Variants in CYP27B1 observed in about 807,000 individuals in gnomAD.
The protein encoded by CYP27B1 is 25-hydroxyvitamin D-1 alpha hydroxylase, mitochondrial.
In CYP27B1, 46 loss-of-function variants were observed where a neutral mutation model predicts 54.8. The ratio of observed to expected loss-of-function variants is 0.84; its 90% confidence interval spans 0.66 to 1.07. The LOEUF is 1.07. CYP27B1 is among the 50% of genes least tolerant of loss of function. CYP27B1 has a pLI of 0.00. For synonymous variants in CYP27B1, 292 were observed against 297.3 expected, an observed-to-expected ratio of 0.98 and a Z score of 0.18; for missense variants, 674 against 692.2, an observed-to-expected ratio of 0.97 and a Z score of 0.30.
intron 8 of CYP27B1, 71 bp downstream of exon 8, chr12:57,763,540 G>A (rs1460548519): frequency 7.4e-7 from 1 of 1,346,872 alleles, no homozygotes; most frequent in Non-Finnish European, 1.1e-6. Flanking sequence ...CTTGTCAGGG[G>A]AAAGAGCTCA....
Position 57,767,071 on chromosome 12 carries a change from G to C in CYP27B1, c.-30C>G. 1 of 1,606,714 alleles carries C rather than the reference G, an allele frequency of 6.2e-7. No homozygotes were observed. Among genetic ancestry groups the C allele is most frequent in the Non-Finnish European group, 8.5e-7 (1 of 1,173,396 alleles). On this transcript the variant is annotated 5_prime_UTR_variant, in exon 1 of 9. Transcript: ENST00000228606. ...TGGTTCAGGGTGCTCGCGAAAGAAA[G>C]CGCTTCTCCTGAGCATCATATCTCA...
chr12:57,765,522 C>T lies in CYP27B1; in HGVS notation c.387-23G>A, dbSNP rs759053239. 6 of 1,594,938 alleles carry T rather than the reference C, an allele frequency of 3.8e-6. No individual in the cohort carries two copies. The South Asian group carries it at 5.7e-5, about 15-fold the overall frequency. ...TCCCTGCAGGGTTGAGGAGAGAGTGCGCATCGGGAAGGTGGGGACGGCTCG... is the reference window on the plus strand; with the variant it reads ...TCCCTGCAGGGTTGAGGAGAGAGTGTGCATCGGGAAGGTGGGGACGGCTCG... On this transcript the variant is annotated intron_variant, in intron 2 of 8. Coordinates refer to ENST00000228606, the MANE Select transcript of CYP27B1 (RefSeq NM_000785.4). This position sits in a 1 kb window ranked among gnomAD's most constrained non-coding sequence, Gnocchi z 5.8.
Position 57,762,727 on chromosome 12 carries a change from C to G in CYP27B1, c.*415G>C, listed in dbSNP as rs8176351. On this transcript the variant is annotated 3_prime_UTR_variant, in exon 9 of 9. Coordinates refer to ENST00000228606, the MANE Select transcript of CYP27B1 (RefSeq NM_000785.4). ...CTCTCAAAGAGCTTACATGCAAAGACGAAGGACCAACCAGGTACAGACCAG... is the reference window on the plus strand; with the variant it reads ...CTCTCAAAGAGCTTACATGCAAAGAGGAAGGACCAACCAGGTACAGACCAG... 3.7e-6 allele frequency: 1 copy of G among 273,232 alleles called. No individual in the cohort carries two copies. Among genetic ancestry groups the G allele is most frequent in the South Asian group, 4.1e-5 (1 of 24,600 alleles). The allele number at this position is 273,232 out of a possible 1,614,324, so 16.9% of individuals were successfully genotyped here.
chr12:57,763,495 G>A, intron 8 of CYP27B1, 116 bp downstream of exon 8: 1 of 1,018,010 alleles, frequency 9.8e-7, no homozygotes, highest in Non-Finnish European at 1.6e-6. Context: ...TATTTCAGAA[G>A]ATTCATTCTA....
At position 57,765,185 on chromosome 12, in the gene CYP27B1, G is replaced by A. The variant is rs1033790241; in HGVS notation, c.616C>T (p.Arg206Cys). The A allele has an allele frequency of 1.2e-6, 2 of 1,613,124 alleles. No homozygotes were observed. Among genetic ancestry groups the A allele is most frequent in the African/African-American group, 2.7e-5 (2 of 74,924 alleles). The change falls in exon 4 of 9, where the codon CGC (arginine) becomes TGC (cysteine). Residue 206 changes from arginine (R) to cysteine (C), a missense_variant. Coordinates refer to ENST00000228606, the MANE Select transcript of CYP27B1 (RefSeq NM_000785.4). The surrounding 1 kb of genome is among the most constrained non-coding windows in gnomAD (Gnocchi z 5.8). ...EGIAAVLLGS[R>C]LGCLEAQVPP... The stretch of plus-strand genomic sequence containing the variant: ...ACTTGAGCCTCCAGGCAGCCCAAGC[G>A]CGAGCCGAGCAGAACCGCGGCGATG...
Position 57,764,834 on chromosome 12 carries a change from G to C in CYP27B1, c.883C>G (p.His295Asp). Residue 295 changes from histidine to aspartate, a missense_variant, in exon 5 of 9, where the codon CAC becomes GAC. His to Asp is a moderately conservative substitution (Grantham distance 81, BLOSUM62 -1). Transcript: ENST00000228606. ...KDLESGAHLT[H>D]FLFREELPAQ... ...GGCAACTCTTCCCGGAACAGGAAGT[G>C]GGTCAGGTGCGCCCCAGACTCCAGG... 8.1e-6 allele frequency: 13 copies of C among 1,614,198 alleles called. No homozygotes were observed. Among genetic ancestry groups the C allele is most frequent in the Admixed American group, 1.7e-5 (1 of 60,026 alleles).
In CYP27B1 at chr12:57,763,611, C is replaced by T; in HGVS notation, c.1413G>A (p.Gln471=). The T allele has an allele frequency of 6.2e-7, 1 of 1,613,902 alleles. No homozygotes were observed. Among genetic ancestry groups the T allele is most frequent in the Non-Finnish European group, 8.5e-7 (1 of 1,179,932 alleles). ...AAGGTATAAAATCTAGAGCACTCAC[C>T]TGGGCCAAAGCCATTTGCAATTCAA... is the stretch of plus-strand genomic sequence containing the variant. ...AELELQMALA[Q]ILTHFEVQPE... The change falls in exon 8 of 9, where the codon CAG becomes CAA. Residue 471 remains glutamine, a splice_region_variant and synonymous_variant. Transcript: ENST00000228606.
chr12:57,766,860 A>G lies in CYP27B1; in HGVS notation c.182T>C (p.Leu61Pro), dbSNP rs779138180. The G allele has an allele frequency of 3.1e-6, 5 of 1,614,090 alleles. No individual in the cohort carries two copies. The East Asian group carries it at 8.9e-5, about 29-fold the overall frequency. ...ELFCKGGLSRLHELQVQGAAH... is the reference protein window; with the variant it reads ...ELFCKGGLSRPHELQVQGAAH... The stretch of plus-strand genomic sequence containing the variant: ...GTCCCTTCCTACCTGCAGCTCGTGT[A>G]GCCTCGACAGCCCCCCCTTGCAGAA... The change falls in exon 1 of 9, where the codon CTA (leucine) becomes CCA (proline). Residue 61 changes from leucine (L) to proline (P), a missense_variant. By Grantham distance (98) the Leu-to-Pro change is moderately conservative. Coordinates refer to ENST00000228606, the MANE Select transcript of CYP27B1 (RefSeq NM_000785.4).
At position 57,764,854 on chromosome 12, in the gene CYP27B1, T is replaced by G; in HGVS notation, c.863A>C (p.Glu288Ala). The G allele has an allele frequency of 6.2e-7, 1 of 1,614,092 alleles. No homozygotes were observed. Among genetic ancestry groups the G allele is most frequent in the African/African-American group, 1.3e-5 (1 of 75,004 alleles). Residue 288 changes from glutamate to alanine, a missense_variant, in exon 5 of 9, where the codon GAG (glutamate) becomes GCG (alanine). Coordinates refer to ENST00000228606, the MANE Select transcript of CYP27B1 (RefSeq NM_000785.4). ...GAAGTGGGTCAGGTGCGCCCCAGACTCCAGGTCCTTCTCGGGCTGTCCTCC... is the reference window on the plus strand; with the variant it reads ...GAAGTGGGTCAGGTGCGCCCCAGACGCCAGGTCCTTCTCGGGCTGTCCTCC... Reference protein sequence around the residue: ...RNGGQPEKDLESGAHLTHFLF... With the variant: ...RNGGQPEKDLASGAHLTHFLF...
intron 1 of CYP27B1, 140 bp downstream of exon 1, chr12:57,766,707 C>T: frequency 2.1e-6 from 2 of 947,110 alleles, no homozygotes; most frequent in Non-Finnish European, 3.2e-6. Flanking sequence ...CGCCCCCAGC[C>T]TCAACTCGCC....
chr12:57,765,681 C>G lies in CYP27B1; in HGVS notation c.387-182G>C. The stretch of plus-strand genomic sequence containing the variant: ...AGCCCCCTTCCTCTTTACTCATTTC[C>G]TGCCCTCAGGGGCCGGGGTTCCCGG... On this transcript the variant is annotated intron_variant, in intron 2 of 8. Transcript: ENST00000228606. This position sits in a 1 kb window ranked among gnomAD's most constrained non-coding sequence, Gnocchi z 5.8. 1 of 880,046 alleles carries G rather than the reference C, an allele frequency of 1.1e-6. No individual in the cohort carries two copies. Among genetic ancestry groups the G allele is most frequent in the Non-Finnish European group, 1.8e-6 (1 of 541,096 alleles). 54.5% of individuals were successfully genotyped at this position (880,046 alleles called of 1,614,324 possible).
chr12:57,765,725 C>A lies in CYP27B1; in HGVS notation c.387-226G>T. Reference sequence around the variant, plus strand: ...TTCCCGGGTAACTTGAGTCACAGAACCTTACATTCATTCCATCCAGATCCT... The same window carrying A: ...TTCCCGGGTAACTTGAGTCACAGAAACTTACATTCATTCCATCCAGATCCT... On this transcript the variant is annotated intron_variant, in intron 2 of 8. Coordinates refer to ENST00000228606, the MANE Select transcript of CYP27B1 (RefSeq NM_000785.4). The surrounding 1 kb of genome is among the most constrained non-coding windows in gnomAD (Gnocchi z 5.8). 1 of 808,442 alleles carries A rather than the reference C, an allele frequency of 1.2e-6. No homozygotes were observed. The allele number at this position is 808,442 out of a possible 1,614,324, so 50.1% of individuals were successfully genotyped here. A position where few individuals can be genotyped will look rare whatever the true frequency, so the allele number is the denominator to read the frequency against.
chr12:57,766,599 T>C (rs1955363167), intron 1 of CYP27B1: 4 of 590,668 alleles, frequency 6.8e-6, no homozygotes, highest in Admixed American at 3.0e-5. Context: ...CACTTGTACT[T>C]TATCTGCAGG....
In CYP27B1 at chr12:57,764,885, T is replaced by G; in HGVS notation, c.832A>C (p.Arg278=). ...TCCTTCTCGGGCTGTCCTCCGTTCC[T>G]CATGGCTGCCTCTGCCTCTCGCCGC... ...VERREAEAAM[R]NGGQPEKDLE... The change falls in exon 5 of 9, where the codon AGG becomes CGG. Residue 278 remains arginine (R), a synonymous_variant. Coordinates refer to ENST00000228606, the MANE Select transcript of CYP27B1 (RefSeq NM_000785.4). The G allele has an allele frequency of 1.2e-6, 2 of 1,614,170 alleles. No individual in the cohort carries two copies. Among genetic ancestry groups the G allele is most frequent in the Non-Finnish European group, 1.7e-6 (2 of 1,180,036 alleles).
intron 1 of CYP27B1, 166 bp from the exon 2 acceptor site, chr12:57,766,363 A>G: frequency 2.1e-6 from 2 of 947,676 alleles, no homozygotes; most frequent in South Asian, 2.1e-5. Context: ...CTCCTCTCTC[A>G]TTTCCCATCC....
At position 57,767,031 on chromosome 12, in the gene CYP27B1, G is replaced by A. The variant is rs1320069263; in HGVS notation, c.11C>T (p.Thr4Ile). 3.1e-6 allele frequency: 5 copies of A among 1,614,082 alleles called. No individual in the cohort carries two copies. The highest frequency in any genetic ancestry group is 2.7e-5 in the African/African-American group (2 of 74,950). Residue 4 changes from threonine to isoleucine, a missense_variant, in exon 1 of 9, where the codon ACC (threonine) becomes ATC (isoleucine). Coordinates refer to ENST00000228606, the MANE Select transcript of CYP27B1 (RefSeq NM_000785.4). MTQ[T>I]LKYASRVFHR... ...GAACACTCTGGAGGCGTACTTGAGG[G>A]TCTGGGTCATGGTCTGGTTCAGGGT... is the stretch of plus-strand genomic sequence containing the variant.
intron 8 of CYP27B1, 145 bp downstream of exon 8, chr12:57,763,466 G>A: frequency 1.1e-6 from 1 of 897,946 alleles, no homozygotes; most frequent in Non-Finnish European, 1.9e-6. Context: ...TACACTCCAG[G>A]CCTATAATGG....
At chr12:57,764,040 T>C in intron 7 of CYP27B1, 58 bp downstream of exon 7, 1 of 1,422,640 alleles carries the variant, frequency 7.0e-7, no homozygotes, top group Non-Finnish European at 9.9e-7. Flanking sequence ...GAGAACAGGG[T>C]TGGGGCCCAA....
intron 8 of CYP27B1, 57 bp downstream of exon 8, chr12:57,763,554 C>T: frequency 6.7e-7 from 1 of 1,484,670 alleles, no homozygotes; most frequent in Non-Finnish European, 9.4e-7. Context: ...GAGCTCACAA[C>T]TTTAGAGGGT....
Sources: gnomAD v4.1 joint callset for allele counts on GRCh38, gnomAD v4.1.1 for gene constraint, Gnocchi (gnomAD v3.1) non-coding constraint, MANE v1.5 for transcripts, NCBI Gene and HGNC (gene_info 2026-07-23, HGNC 2026-07-21) for gene names.